Variants in TBCE observed in about 807,000 individuals in gnomAD.
TBCE encodes the protein tubulin folding cofactor E, also known as tubulin-specific chaperone E.
Under a neutral mutation model 77.0 loss-of-function variants are expected in TBCE, and 53 were observed. The ratio of observed to expected loss-of-function variants is 0.69; its 90% CI spans 0.55 to 0.87. The LOEUF is 0.87. TBCE is among the 40% of genes least tolerant of loss of function. The pLI, the probability that TBCE is intolerant of heterozygous loss-of-function variation, is 0.00. For missense variants in TBCE, 624 were observed against 622.4 expected, an observed-to-expected ratio of 1.00 and a Z score of -0.03; for synonymous variants, 235 against 241.3, an observed-to-expected ratio of 0.97 and a Z score of 0.24.
chr1:235,439,348 G>T (rs558682716), intron 13 of TBCE, among the ~76,000 whole-genome samples: 5,979 of 118,920 alleles, frequency 0.05, 276 homozygotes, highest in African/African-American at 0.11. Context: ...AAAAAAAAAT[G>T]AGCCGGGCGT....
chr1:235,395,425 C>T (rs901301086), intron 2 of TBCE, among the ~76,000 whole-genome samples: 12 of 152,182 alleles, frequency 7.9e-5, no homozygotes, highest in Non-Finnish European at 1.3e-4. Context: ...GTCACCCTGT[C>T]ATGCTATCAA....
intron 15 of TBCE, among the ~76,000 whole-genome samples, chr1:235,446,100 T>A (rs1200207958): frequency 1.3e-5 from 2 of 152,330 alleles, no homozygotes; most frequent in East Asian, 1.9e-4. Flanking sequence ...GGACATGGCA[T>A]GGAATTGGCA....
chr1:235,421,580 T>G (rs1250361538), intron 5 of TBCE, among the ~76,000 whole-genome samples: 1 of 152,010 alleles, frequency 6.6e-6, no homozygotes, highest in Non-Finnish European at 1.5e-5. Context: ...TGGTGGTGCA[T>G]GCCTGTAATC....
At chr1:235,403,061 T>G (rs2102860434) in intron 3 of TBCE, among the ~76,000 whole-genome samples, 1 of 152,312 alleles carries the variant, frequency 6.6e-6, no homozygotes, top group South Asian at 2.1e-4. Flanking sequence ...CAGGGTGTTC[T>G]TAAAAGGCCA....
At chr1:235,442,817 A>C (rs374630204) in intron 14 of TBCE, 35 bp from the exon 15 acceptor site, 2 of 1,594,524 alleles carry the variant, frequency 1.3e-6, no homozygotes, top group Admixed American at 3.3e-5. Flanking sequence ...ATAATAGTAG[A>C]TATCAATTAG....
intron 3 of TBCE, among the ~76,000 whole-genome samples, chr1:235,406,253 T>G (rs1295150191): frequency 2.0e-5 from 3 of 152,186 alleles, no homozygotes; most frequent in African/African-American, 7.2e-5. Context: ...TAACTGGTCC[T>G]TTAGAGTTTG....
intron 6 of TBCE, among the ~76,000 whole-genome samples, chr1:235,428,807 C>A (rs1171404717): frequency 2.0e-5 from 3 of 150,814 alleles, no homozygotes. Context: ...CCACGCCCAA[C>A]TAATTTTTGT....
At chr1:235,410,754 A>G (rs920476130) in intron 3 of TBCE, among the ~76,000 whole-genome samples, 5 of 152,150 alleles carry the variant, frequency 3.3e-5, no homozygotes, top group Admixed American at 6.5e-5. Flanking sequence ...CTGCAGAGGG[A>G]TGAAGATCCA....
intron 2 of TBCE, among the ~76,000 whole-genome samples, chr1:235,385,366 T>C (rs1677935902): frequency 6.6e-6 from 1 of 152,140 alleles, no homozygotes; most frequent in African/African-American, 2.4e-5. Context: ...AATTCCTGGC[T>C]ATCCTTGTTA....
At chr1:235,370,567 G>A (rs967053993) in intron 1 of TBCE, among the ~76,000 whole-genome samples, 5 of 121,694 alleles carry the variant, frequency 4.1e-5, no homozygotes, top group Admixed American at 8.3e-5. Context: ...TTTTTTTTTT[G>A]GGAAGATCTC....
intron 2 of TBCE, among the ~76,000 whole-genome samples, chr1:235,382,320 GTATATACCCAGTAA>G (rs1677725804): frequency 6.6e-6 from 1 of 152,072 alleles, no homozygotes; most frequent in Non-Finnish European, 1.5e-5. Context: ...AGTCCTTTGG[GTATATACCCAGTAA>G]TGGGATGGCT....
Position 235,401,539 on chromosome 1 carries a change from G to C in TBCE, c.137G>C (p.Arg46Thr). The C allele has an allele frequency of 6.2e-7, 1 of 1,613,956 alleles. No homozygotes were observed. Among genetic ancestry groups the C allele is most frequent in the Non-Finnish European group, 8.5e-7 (1 of 1,179,902 alleles). Residue 46 changes from arginine (R) to threonine (T), a missense_variant, in exon 3 of 17, where the codon AGA (arginine) becomes ACA (threonine). By Grantham distance (71) the Arg-to-Thr change is moderately conservative. Transcript: ENST00000642610. ...WLGVEWDNPERGKHDGSHEGT... is the reference protein window; with the variant it reads ...WLGVEWDNPETGKHDGSHEGT... ...GGAGTAGAATGGGACAATCCCGAGA[G>C]AGGAAAGCATGATGGGAGCCACGAA...
In TBCE at chr1:235,374,591, C is replaced by T. The variant is rs1380279526; in HGVS notation, c.-31-5428C>T. ...TCTGGGCTCACTGCAACCTCCGCCT[C>T]CTGGATTCAAGTGATTCTCCTGCCT... On this transcript the variant is annotated intron_variant, in intron 1 of 16. Transcript: ENST00000642610. Among the ~76,000 whole-genome samples, 4 of 145,570 alleles carry T rather than the reference C, an allele frequency of 2.7e-5. 1 individual carries two copies.
intron 6 of TBCE, among the ~76,000 whole-genome samples, chr1:235,427,858 C>T (rs914407827): frequency 6.6e-6 from 1 of 151,930 alleles, no homozygotes; most frequent in Non-Finnish European, 1.5e-5. Flanking sequence ...TGGAGAAACC[C>T]CGTCTCTACT....
At position 235,373,892 on chromosome 1, in the gene TBCE, T is replaced by G. The variant is rs1476414042; in HGVS notation, c.-31-6127T>G. Among the ~76,000 whole-genome samples the G allele has an allele frequency of 1.1e-3, 155 of 145,592 alleles. 19 individuals carry two copies. The highest frequency in any genetic ancestry group is 3.1e-3 in the African/African-American group (117 of 37,894). ...TCTCGATCTCCTGACCTCGTGATCC[T>G]CCCGCCTCGGCCTCCCAAAGTGCTG... On this transcript the variant is annotated intron_variant, in intron 1 of 16. Coordinates refer to ENST00000642610, the MANE Select transcript of TBCE (RefSeq NM_003193.5).
chr1:235,419,836 C>G (rs192758374), intron 5 of TBCE, among the ~76,000 whole-genome samples: 98 of 150,024 alleles, frequency 6.5e-4, no homozygotes, highest in African/African-American at 2.3e-3. Flanking sequence ...GCCTGTAATC[C>G]TAGCATTTTG....
At chr1:235,441,964 T>C in intron 14 of TBCE, 82 bp downstream of exon 14, 2 of 1,256,524 alleles carry the variant, frequency 1.6e-6, no homozygotes, top group South Asian at 2.5e-5. Flanking sequence ...CTTAAGTGTG[T>C]ACCTCTTAAG....
At chr1:235,370,737 TGTC>T (rs1676872820) in intron 1 of TBCE, among the ~76,000 whole-genome samples, 6 of 34,066 alleles carry the variant, frequency 1.8e-4, no homozygotes, top group South Asian at 1.4e-3. Flanking sequence ...TTTTCCTCCT[TGTC>T]TTTTCTTTTT....
At chr1:235,417,613 G>A (rs2131924) in intron 4 of TBCE, among the ~76,000 whole-genome samples, 110,948 of 152,100 alleles carry the variant, frequency 0.73, 41,736 homozygotes, top group African/African-American at 0.93. Flanking sequence ...CCCTAACTAC[G>A]TACTTAATTG....
Sources: gnomAD v4.1 joint callset for allele counts (sites outside exome capture counted in the v4.1 genomes callset) on GRCh38, gnomAD v4.1.1 for gene constraint, MANE v1.5 for transcripts, NCBI Gene and HGNC (gene_info 2026-07-23, HGNC 2026-07-21) for gene names.